The following SBK1 variants were observed in gnomAD, a reference collection of about 807,000 sequenced individuals.
SBK1 encodes SH3 domain binding kinase 1.
SBK1 carries 11 observed loss-of-function variants against 24.4 expected under a neutral mutation model. The ratio of observed to expected loss-of-function variants is 0.45; its 90% CI spans 0.28 to 0.75. The LOEUF (loss-of-function observed/expected upper bound fraction) is 0.75. SBK1 is among the 30% of genes least tolerant of loss of function. The pLI is 0.12. For missense variants in SBK1, 467 were observed against 620.5 expected (o/e 0.75, Z 2.63); for synonymous variants, 308 against 284.4 (o/e 1.08, Z -0.83).
intron 1 of SBK1, among the ~76,000 whole-genome samples, chr16:28,308,757 G>GTGTC (rs1178961326): frequency 1.3e-5 from 2 of 149,126 alleles, no homozygotes; most frequent in South Asian, 4.3e-4. Context: ...GTGTGTGTGT[G>GTGTC]TGTGTGTGTG....
Position 28,317,745 on chromosome 16 carries a change from G to C in SBK1, c.226+128G>C. 2.9e-6 allele frequency: 2 copies of C among 696,496 alleles called. No individual in the cohort carries two copies. The highest frequency in any genetic ancestry group is 2.6e-6 in the Non-Finnish European group (1 of 389,978). The allele number at this position is 696,496 out of a possible 1,614,324, so 43.1% of individuals were successfully genotyped here. A position where few individuals can be genotyped will look rare whatever the true frequency, so the allele number is the denominator to read the frequency against. On this transcript the variant is annotated intron_variant, in intron 2 of 3. Transcript: ENST00000341901. The surrounding 1 kb of genome is among the most constrained non-coding windows in gnomAD (Gnocchi z 4.2). ...TGCTCTGTGGAAGCCAGGAGGCAGG[G>C]TCAGGGGCCAGATGTAGAGGATGAG...
At chr16:28,287,739 T>C (rs1215200119), upstream of SBK1, among the ~76,000 whole-genome samples, 2 of 152,202 alleles carry the variant, frequency 1.3e-5, no homozygotes, top group Non-Finnish European at 1.5e-5. Context: ...TCTTGGCTCA[T>C]GGCAACCTCT....
chr16:28,312,171 G>A (rs1415984254), intron 1 of SBK1, among the ~76,000 whole-genome samples: 2 of 152,208 alleles, frequency 1.3e-5, no homozygotes, highest in African/African-American at 2.4e-5. Context: ...AGGAGTTTGC[G>A]GCAAAGAGGG....
At chr16:28,283,372 G>T (rs905850859) in intron 1 of SBK1, among the ~76,000 whole-genome samples, 2 of 152,100 alleles carry the variant, frequency 1.3e-5, no homozygotes, top group Non-Finnish European at 2.9e-5. Context: ...TGGATCAAGG[G>T]GATCAAACGA....
rs2044804887 is a variant in SBK1, at chr16:28,317,382, C to A, written c.-7-3C>A. ...CTTCATGCTCACCACCCCTACCCAA[C>A]AGGGAGAAGATGAGCGTGGGCTGCC... On this transcript the variant is annotated splice_polypyrimidine_tract_variant and splice_region_variant and intron_variant, in intron 1 of 3. Coordinates refer to ENST00000341901, the MANE Select transcript of SBK1 (RefSeq NM_001024401.3). The surrounding 1 kb of genome is among the most constrained non-coding windows in gnomAD (Gnocchi z 4.2). 6.2e-7 allele frequency: 1 copy of A among 1,610,774 alleles called. No homozygotes were observed. The highest frequency in any genetic ancestry group is 1.1e-5 in the South Asian group (1 of 90,944).
chr16:28,290,085 C>CA (rs34970334), upstream of SBK1, among the ~76,000 whole-genome samples: 2,522 of 102,596 alleles, frequency 0.025, 36 homozygotes, highest in Middle Eastern at 0.12. Context: ...GACCCTGTCT[C>CA]AAAAAAAAAA....
intron 2 of SBK1, among the ~76,000 whole-genome samples, chr16:28,318,128 C>T (rs1022136682): frequency 1.3e-5 from 2 of 152,160 alleles, no homozygotes; most frequent in African/African-American, 4.8e-5. Flanking sequence ...AGCCAATGCC[C>T]TGCAGCTACA....
At chr16:28,306,020 T>C (rs1184361685) in intron 1 of SBK1, among the ~76,000 whole-genome samples, 1 of 152,172 alleles carries the variant, frequency 6.6e-6, no homozygotes, top group Non-Finnish European at 1.5e-5. Context: ...TTGGAAGGGA[T>C]GTCTCCACCA....
At chr16:28,280,319 T>A (rs1236675217) in intron 1 of SBK1, among the ~76,000 whole-genome samples, 2 of 137,100 alleles carry the variant, frequency 1.5e-5, no homozygotes, top group Non-Finnish European at 3.1e-5. Context: ...ATATAATATA[T>A]ATATACGTAC....
intron 1 of SBK1, among the ~76,000 whole-genome samples, chr16:28,303,924 T>C (rs1037735664): frequency 2.6e-5 from 4 of 152,128 alleles, no homozygotes; most frequent in African/African-American, 9.7e-5. Flanking sequence ...ACAACTGCTG[T>C]GTTTCACCAA....
chr16:28,306,859 T>C (rs1276817214), intron 1 of SBK1, among the ~76,000 whole-genome samples: 2 of 152,234 alleles, frequency 1.3e-5, no homozygotes, highest in Non-Finnish European at 2.9e-5. Context: ...TGTGACCCTG[T>C]AGGCACATAG....
In SBK1 at chr16:28,262,822, C is replaced by T. The variant is rs1238708423; in HGVS notation, c.257+3320C>T. Among the ~76,000 whole-genome samples, 11 of 152,176 alleles carry T rather than the reference C, an allele frequency of 7.2e-5. No homozygotes were observed. The East Asian group carries it at 2.1e-3, about 29-fold the overall frequency. On this transcript the variant is annotated intron_variant, in intron 1 of 3. Coordinates refer to the SBK1 transcript ENST00000671413. ...AAGCTGTTGGAATAAATAAGCTTGG[C>T]AATCGTAATGGCTTAACACAGAAGA...
At chr16:28,279,269 C>T (rs2044514162) in intron 1 of SBK1, among the ~76,000 whole-genome samples, 1 of 151,652 alleles carries the variant, frequency 6.6e-6, no homozygotes, top group Admixed American at 6.6e-5. Context: ...CGCTATGGCT[C>T]ATGCCTGTGG....
intron 1 of SBK1, chr16:28,286,903 A>T (rs938931620): frequency 6.6e-6 from 1 of 152,260 alleles, no homozygotes; most frequent in African/African-American, 2.4e-5. Context: ...TGAGGTCAGG[A>T]TGGCCAACAT....
chr16:28,292,588 G>A lies in SBK1; in HGVS notation c.-720G>A. On this transcript the variant is annotated 5_prime_UTR_variant, in exon 1 of 4. Coordinates refer to ENST00000341901, the MANE Select transcript of SBK1 (RefSeq NM_001024401.3). ...CCGGGGCCCGAGCGCCAGGCGGAGC[G>A]CGAGCTGGAGCCGCAGCCGGAGCCC... 1 of 980,304 alleles carries A rather than the reference G, an allele frequency of 1.0e-6. No individual in the cohort carries two copies. The highest frequency in any genetic ancestry group is 1.2e-6 in the Non-Finnish European group (1 of 827,552). The allele number at this position is 980,304 out of a possible 1,614,324, so 60.7% of individuals were successfully genotyped here.
At chr16:28,290,814 A>T (rs1223221903), upstream of SBK1, 1 of 152,230 alleles carries the variant, frequency 6.6e-6, no homozygotes, top group Non-Finnish European at 1.5e-5. Context: ...TCAATGGTAG[A>T]GGTTGCCAAC....
At chr16:28,310,888 G>A (rs549512242) in intron 1 of SBK1, among the ~76,000 whole-genome samples, 1 of 152,272 alleles carries the variant, frequency 6.6e-6, no homozygotes, top group South Asian at 2.1e-4. Context: ...CAAAAAAGTG[G>A]CGCACATTAG....
At chr16:28,295,168 T>G (rs1193166318) in intron 1 of SBK1, among the ~76,000 whole-genome samples, 2 of 152,122 alleles carry the variant, frequency 1.3e-5, no homozygotes, top group African/African-American at 4.8e-5. Context: ...GGGCAAACTG[T>G]GAGGAGGCCA....
chr16:28,319,672 G>GAC lies in SBK1; in HGVS notation c.430-400_430-399dup, dbSNP rs1176397388. Among the ~76,000 whole-genome samples, 2 of 152,154 alleles carry GAC rather than the reference G, an allele frequency of 1.3e-5. No individual in the cohort carries two copies. The highest frequency in any genetic ancestry group is 2.9e-5 in the Non-Finnish European group (2 of 68,038). ...CACCTACTACATGCCAGAATCTGGAGACACAGATGCACGGACACAGCAGGG... is the reference window on the plus strand; with the variant it reads ...CACCTACTACATGCCAGAATCTGGAGACACACAGATGCACGGACACAGCAGGG... On this transcript the variant is annotated intron_variant, in intron 3 of 3. Coordinates refer to ENST00000341901, the MANE Select transcript of SBK1 (RefSeq NM_001024401.3). The surrounding 1 kb of genome is among the most constrained non-coding windows in gnomAD (Gnocchi z 4.0).
Sources: gnomAD v4.1 joint callset for allele counts (sites outside exome capture counted in the v4.1 genomes callset) on GRCh38, gnomAD v4.1.1 for gene constraint, Gnocchi (gnomAD v3.1) non-coding constraint, MANE v1.5 for transcripts, NCBI Gene and HGNC (gene_info 2026-07-23, HGNC 2026-07-21) for gene names.